The following COL22A1 variants were observed in gnomAD, a reference collection of about 807,000 sequenced individuals.
COL22A1 encodes collagen alpha-1(XXII) chain.
A neutral mutation model predicts 248.9 loss-of-function variants in COL22A1; 221 were observed. The observed-to-expected ratio is 0.89, with a 90% CI of 0.80 to 0.99. The LOEUF is 0.99. COL22A1 is among the 50% of genes least tolerant of loss of function. COL22A1 has a pLI of 0.00. For synonymous variants in COL22A1, 891 were observed against 793.4 expected, an observed-to-expected ratio of 1.12 and a Z score of -2.07; for missense variants, 2,240 against 2,179.0, an observed-to-expected ratio of 1.03 and a Z score of -0.56.
Position 138,686,940 on chromosome 8 carries a change from TTTG to T in COL22A1, c.2863-1631_2863-1629del, listed in dbSNP as rs1826406191. On this transcript the variant is annotated intron_variant, in intron 37 of 64. Transcript: ENST00000303045. Reference sequence around the variant, plus strand: ...ATGTTTGTACCTGTATTACATAAGGTTTGTTATTATTATTATTTATTATTATTA... The same window carrying T: ...ATGTTTGTACCTGTATTACATAAGGTTTATTATTATTATTTATTATTATTA... 1.3e-5 allele frequency among the ~76,000 whole-genome samples: 2 copies of T among 152,026 alleles called. 1 individual carries two copies. The highest frequency in any genetic ancestry group is 3.9e-4 in the East Asian group (2 of 5,186).
Position 138,821,369 on chromosome 8 carries a change from T to C in COL22A1, c.1012A>G (p.Asn338Asp), listed in dbSNP as rs376763101. Residue 338 changes from asparagine (N) to aspartate (D), a missense_variant, in exon 7 of 65, where the codon AAC becomes GAC. By Grantham distance (23) the Asn-to-Asp change is conservative. Coordinates refer to ENST00000303045, the MANE Select transcript of COL22A1 (RefSeq NM_152888.3). ...GCATCTTTCATGGCACCCACAGCGTTGTACTCGACTGCCTTGTTTTCACCA... is the reference window on the plus strand; with the variant it reads ...GCATCTTTCATGGCACCCACAGCGTCGTACTCGACTGCCTTGTTTTCACCA... ...LDGENKAVEY[N>D]AVGAMKDAVR... 208 of 1,614,030 alleles carry C rather than the reference T, an allele frequency of 1.3e-4. No homozygotes were observed. The highest frequency in any genetic ancestry group is 1.7e-4 in the Non-Finnish European group (206 of 1,179,946).
chr8:138,907,760 C>T (rs1815133106), intron 1 of COL22A1, among the ~76,000 whole-genome samples: 2 of 152,222 alleles, frequency 1.3e-5, no homozygotes, highest in Admixed American at 6.5e-5. Context: ...GGTAACCCCA[C>T]AGCAGAAGGC....
At chr8:138,880,660 C>T (rs994449696) in intron 2 of COL22A1, among the ~76,000 whole-genome samples, 2 of 152,204 alleles carry the variant, frequency 1.3e-5, no homozygotes, top group African/African-American at 4.8e-5. Flanking sequence ...CCAGCCTTAG[C>T]AGGACTGATC....
intron 30 of COL22A1, among the ~76,000 whole-genome samples, chr8:138,707,219 C>A (rs1828541311): frequency 2.0e-5 from 3 of 152,206 alleles, no homozygotes; most frequent in South Asian, 2.1e-4. Flanking sequence ...CAAAGAGGAG[C>A]TGGTACCATT....
chr8:138,803,680 C>T (rs1485958489), intron 10 of COL22A1, among the ~76,000 whole-genome samples: 2 of 152,120 alleles, frequency 1.3e-5, no homozygotes, highest in Admixed American at 1.3e-4. Flanking sequence ...ACTGTGTCTG[C>T]AAGGGAGGAA....
At chr8:138,911,122 C>T (rs1434913357) in intron 1 of COL22A1, among the ~76,000 whole-genome samples, 1 of 152,216 alleles carries the variant, frequency 6.6e-6, no homozygotes, top group Non-Finnish European at 1.5e-5. Flanking sequence ...TGTCTGAATG[C>T]CTCCTGTAGT....
Position 138,694,573 on chromosome 8 carries a change from C to A in COL22A1, c.2647-12G>T, listed in dbSNP as rs1320965979. 3.1e-6 allele frequency: 5 copies of A among 1,613,742 alleles called. No homozygotes were observed. Among genetic ancestry groups the A allele is most frequent in the Non-Finnish European group, 3.4e-6 (4 of 1,179,780 alleles). On this transcript the variant is annotated splice_polypyrimidine_tract_variant and intron_variant, in intron 33 of 64. Transcript: ENST00000303045. ...CGGCCCTGCAGTCCCTGTAAGCACA[C>A]AAGTTGCCATGAACCAGCTCATCCT...
At chr8:138,671,701 T>C (rs1199711660) in intron 41 of COL22A1, among the ~76,000 whole-genome samples, 1 of 152,232 alleles carries the variant, frequency 6.6e-6, no homozygotes, top group African/African-American at 2.4e-5. Flanking sequence ...AAAGTCGTCA[T>C]ATTACAAGAA....
In COL22A1 at chr8:138,877,995, C is replaced by A; in HGVS notation, c.413G>T (p.Arg138Met). Residue 138 changes from arginine (R) to methionine (M), a missense_variant, in exon 3 of 65, where the codon AGG (arginine) becomes ATG (methionine). Coordinates refer to ENST00000303045, the MANE Select transcript of COL22A1 (RefSeq NM_152888.3). ...GGCCACCTGCTTGTAGGCGCGGTCCCTGGGGCGGCCGCCGGCGTGTGGGGA... is the reference window on the plus strand; with the variant it reads ...GGCCACCTGCTTGTAGGCGCGGTCCATGGGGCGGCCGCCGGCGTGTGGGGA... ...SFSPHAGGRP[R>M]DRAYKQVAIL... The A allele has an allele frequency of 6.3e-7, 1 of 1,584,004 alleles. No individual in the cohort carries two copies. The highest frequency in any genetic ancestry group is 2.3e-5 in the East Asian group (1 of 43,182).
intron 27 of COL22A1, among the ~76,000 whole-genome samples, chr8:138,720,451 G>A (rs554799565): frequency 1.1e-4 from 16 of 152,090 alleles, no homozygotes; most frequent in East Asian, 1.9e-4. Context: ...TCCGGCTCTC[G>A]TGGGGGATAG....
At chr8:138,707,039 G>T (rs1443142290) in intron 30 of COL22A1, among the ~76,000 whole-genome samples, 1 of 152,180 alleles carries the variant, frequency 6.6e-6, no homozygotes, top group Non-Finnish European at 1.5e-5. Flanking sequence ...AAATCTAGAA[G>T]AAATGGATAA....
At chr8:138,621,717 T>G (rs1045151291) in intron 52 of COL22A1, among the ~76,000 whole-genome samples, 1 of 152,158 alleles carries the variant, frequency 6.6e-6, no homozygotes, top group Non-Finnish European at 1.5e-5. Flanking sequence ...GGAGAAATAA[T>G]GGTACCCACA....
intron 10 of COL22A1, among the ~76,000 whole-genome samples, chr8:138,806,173 T>C (rs1167970740): frequency 2.3e-5 from 2 of 85,286 alleles, no homozygotes; most frequent in African/African-American, 1.7e-4. Flanking sequence ...TGTGATGGTG[T>C]AAGTAATGGT....
chr8:138,699,863 G>A (rs2130968892), intron 32 of COL22A1, among the ~76,000 whole-genome samples: 1 of 152,354 alleles, frequency 6.6e-6, no homozygotes, highest in Middle Eastern at 3.4e-3. Context: ...GAGATGCCTG[G>A]CCTTTGCTCT....
chr8:138,680,291 T>G (rs1335894156), intron 39 of COL22A1, among the ~76,000 whole-genome samples: 1 of 152,094 alleles, frequency 6.6e-6, no homozygotes, highest in Non-Finnish European at 1.5e-5. Flanking sequence ...AGATCATAGA[T>G]CTCCTGAGGA....
chr8:138,648,282 T>G (rs1822385776), intron 46 of COL22A1, among the ~76,000 whole-genome samples: 2 of 152,156 alleles, frequency 1.3e-5, no homozygotes, highest in East Asian at 1.9e-4. Flanking sequence ...GACTGTGGCA[T>G]GCCCACGGGG....
intron 18 of COL22A1, among the ~76,000 whole-genome samples, chr8:138,756,729 ACG>A (rs1428325877): frequency 6.6e-6 from 1 of 152,124 alleles, no homozygotes; most frequent in Non-Finnish European, 1.5e-5. Flanking sequence ...CTCAAGACAC[ACG>A]CTCACTGCCT....
intron 11 of COL22A1, 69 bp from the exon 12 acceptor site, chr8:138,796,926 C>T (rs1816595580): frequency 2.0e-6 from 2 of 989,376 alleles, no homozygotes; most frequent in Non-Finnish European, 3.3e-6. Context: ...CAAATGGCAA[C>T]ATCATCCCGA....
intron 23 of COL22A1, among the ~76,000 whole-genome samples, chr8:138,730,143 G>A (rs1235232830): frequency 6.6e-6 from 1 of 152,222 alleles, no homozygotes; most frequent in African/African-American, 2.4e-5. Flanking sequence ...ATTACCACAA[G>A]GCCCCTGGAC....
Sources: gnomAD v4.1 joint callset for allele counts (sites outside exome capture counted in the v4.1 genomes callset) on GRCh38, gnomAD v4.1.1 for gene constraint, MANE v1.5 for transcripts, NCBI Gene and HGNC (gene_info 2026-07-23, HGNC 2026-07-21) for gene names.